ATP9B: variants seen among roughly 807,000 people sequenced by gnomAD.
ATP9B encodes the protein ATPase phospholipid transporting 9B.
Under a neutral mutation model 146.1 loss-of-function variants are expected in ATP9B, and 110 were observed. The observed-to-expected ratio is 0.75, with a 90% CI of 0.65 to 0.88. ATP9B has a LOEUF of 0.88. Ranked by LOEUF, ATP9B falls within the 40% of genes least tolerant of loss-of-function variation. The pLI, the probability that ATP9B is intolerant of heterozygous loss-of-function variation, is 0.00. For missense variants in ATP9B, 1,499 were observed against 1,496.4 expected, an observed-to-expected ratio of 1.00 and a Z score of -0.03; for synonymous variants, 604 against 569.7, an observed-to-expected ratio of 1.06 and a Z score of -0.86.
At chr18:79,156,027 G>C (rs2147657185) in intron 7 of ATP9B, among the ~76,000 whole-genome samples, 1 of 152,168 alleles carries the variant, frequency 6.6e-6, no homozygotes, top group South Asian at 2.1e-4. Context: ...CTCCCAAAGT[G>C]CTGGGATTAC....
At chr18:79,302,726 C>CTAG (rs2096599110) in intron 13 of ATP9B, among the ~76,000 whole-genome samples, 1 of 152,140 alleles carries the variant, frequency 6.6e-6, no homozygotes, top group African/African-American at 2.4e-5. Context: ...ATTTGGAAAA[C>CTAG]ACTAAAGAAA....
At chr18:79,110,063 T>C (rs147248700) in intron 2 of ATP9B, among the ~76,000 whole-genome samples, 26 of 152,300 alleles carry the variant, frequency 1.7e-4, no homozygotes, top group Non-Finnish European at 1.8e-4. Context: ...TCTCGACATA[T>C]AGAGCATTGA....
chr18:79,193,257 T>C lies in ATP9B; in HGVS notation c.948T>C (p.Phe316=). The part of the protein sequence containing the change: ...QMDIHSFEGT[F]TREDSDPPIH... ...ACATTCACAGTTTCGAAGGCACATT[T>C]ACCAGGGTAAGTTAAACCTGTTGTT... The change falls in exon 9 of 30, where the codon TTT becomes TTC. Residue 316 remains phenylalanine, a synonymous_variant. Transcript: ENST00000426216. 1 of 1,605,600 alleles carries C rather than the reference T, an allele frequency of 6.2e-7. No homozygotes were observed. Among genetic ancestry groups the C allele is most frequent in the Admixed American group, 1.7e-5 (1 of 59,982 alleles).
intron 12 of ATP9B, among the ~76,000 whole-genome samples, chr18:79,274,425 T>C (rs1478898112): frequency 6.6e-6 from 1 of 152,216 alleles, no homozygotes; most frequent in Non-Finnish European, 1.5e-5. Flanking sequence ...TAGTATTAAA[T>C]GCTCCCGATG....
At chr18:79,217,952 C>A (rs1201121330) in intron 11 of ATP9B, among the ~76,000 whole-genome samples, 1 of 152,184 alleles carries the variant, frequency 6.6e-6, no homozygotes, top group African/African-American at 2.4e-5. Context: ...GAGTAGAAGC[C>A]ATATTGGGAC....
chr18:79,220,877 T>C (rs2095670449), intron 11 of ATP9B, among the ~76,000 whole-genome samples: 1 of 152,200 alleles, frequency 6.6e-6, no homozygotes, highest in South Asian at 2.1e-4. Context: ...TCACGCCCTC[T>C]TGCTGGGCCC....
intron 9 of ATP9B, among the ~76,000 whole-genome samples, chr18:79,198,865 T>TA (rs1177349562): frequency 6.6e-6 from 1 of 152,248 alleles, no homozygotes; most frequent in Admixed American, 6.5e-5. Flanking sequence ...CACACTACTG[T>TA]AAACTTTTTA....
chr18:79,182,407 C>T lies in ATP9B; in HGVS notation c.873+5500C>T, dbSNP rs1370764154. 2.6e-5 allele frequency among the ~76,000 whole-genome samples: 4 copies of T among 152,328 alleles called. No individual in the cohort carries two copies. The East Asian group carries it at 7.7e-4, about 29-fold the overall frequency. ...ATTCTGTTTCTTCCTTGCCTCTTTT[C>T]AGTATTTTGCAAATGCTAGCTGTCA... On this transcript the variant is annotated intron_variant, in intron 8 of 29. Transcript: ENST00000426216.
chr18:79,192,434 A>T (rs1339730795), intron 8 of ATP9B, among the ~76,000 whole-genome samples: 2 of 152,174 alleles, frequency 1.3e-5, no homozygotes, highest in Non-Finnish European at 2.9e-5. Flanking sequence ...GCTGTGATTT[A>T]TGACAGCAAA....
chr18:79,345,857 T>G lies in ATP9B; in HGVS notation c.2682+18T>G. On this transcript the variant is annotated intron_variant, in intron 23 of 29. Coordinates refer to ENST00000426216, the MANE Select transcript of ATP9B (RefSeq NM_198531.5). ...AGGGAAAGGTAGGTTCGCCCTTTTA[T>G]CAACACATTAGCACACAGTCAGCAC... 1 of 1,613,922 alleles carries G rather than the reference T, an allele frequency of 6.2e-7. No homozygotes were observed.
In ATP9B at chr18:79,313,231, C is replaced by T. The variant is rs533280876; in HGVS notation, c.1773+5997C>T. 5.9e-5 allele frequency among the ~76,000 whole-genome samples: 9 copies of T among 152,290 alleles called. No individual in the cohort carries two copies. In the East Asian group the frequency reaches 1.2e-3, roughly 20 times the overall value. On this transcript the variant is annotated intron_variant, in intron 15 of 29. Coordinates refer to ENST00000426216, the MANE Select transcript of ATP9B (RefSeq NM_198531.5). The stretch of plus-strand genomic sequence containing the variant: ...GTAAAAGAGAATCTGAGCGAAGAGG[C>T]GTAGTTCCACAATCATAAGCAAATA...
intron 15 of ATP9B, among the ~76,000 whole-genome samples, chr18:79,322,418 C>T (rs1054755348): frequency 1.3e-5 from 2 of 152,150 alleles, no homozygotes; most frequent in African/African-American, 4.8e-5. Flanking sequence ...AGAACCATTC[C>T]GACATTCTCC....
At chr18:79,126,186 A>T in intron 4 of ATP9B, 81 bp from the exon 5 acceptor site, 1 of 1,218,476 alleles carries the variant, frequency 8.2e-7, no homozygotes. Flanking sequence ...ATTGAAGGAA[A>T]AAAGTTAAAC....
At chr18:79,279,288 T>C (rs1438279317) in intron 13 of ATP9B, among the ~76,000 whole-genome samples, 1 of 152,224 alleles carries the variant, frequency 6.6e-6, no homozygotes, top group Non-Finnish European at 1.5e-5. Flanking sequence ...CTGCCCCTTA[T>C]GCAGAGTTCA....
intron 11 of ATP9B, among the ~76,000 whole-genome samples, chr18:79,220,646 A>G (rs1313114263): frequency 1.3e-5 from 2 of 152,200 alleles, no homozygotes; most frequent in Admixed American, 6.5e-5. Context: ...CCACTATTGT[A>G]GATTGTATGT....
chr18:79,242,945 T>A (rs936483890), intron 11 of ATP9B, among the ~76,000 whole-genome samples: 4 of 152,266 alleles, frequency 2.6e-5, no homozygotes, highest in African/African-American at 4.8e-5. Flanking sequence ...ACCTTTATCA[T>A]TTAAAATTCT....
At position 79,337,450 on chromosome 18, in the gene ATP9B, G is replaced by A. The variant is rs767092005; in HGVS notation, c.2283+1G>A. 1.9e-6 allele frequency: 3 copies of A among 1,608,472 alleles called. No homozygotes were observed. The highest frequency in any genetic ancestry group is 1.7e-6 in the Non-Finnish European group (2 of 1,179,256). On this transcript the variant is annotated splice_donor_variant, in intron 19 of 29. Transcript: ENST00000426216. LOFTEE classifies it high-confidence loss of function. ...GATGCTGCGCAACGCCGGGATCAAGGTACTGCAGGCTCACCTCTGCTGGCG... is the reference window on the plus strand; with the variant it reads ...GATGCTGCGCAACGCCGGGATCAAGATACTGCAGGCTCACCTCTGCTGGCG...
At chr18:79,287,101 G>T (rs559925737) in intron 13 of ATP9B, among the ~76,000 whole-genome samples, 2 of 152,046 alleles carry the variant, frequency 1.3e-5, no homozygotes, top group African/African-American at 2.4e-5. Context: ...TGTCTCTGCC[G>T]GGCTTTGGTA....
At chr18:79,320,218 C>G (rs1278249436) in intron 15 of ATP9B, among the ~76,000 whole-genome samples, 1 of 152,226 alleles carries the variant, frequency 6.6e-6, no homozygotes, top group Admixed American at 6.5e-5. Flanking sequence ...CACAGTGCAC[C>G]TGGACCTGTG....
Sources: gnomAD v4.1 joint callset for allele counts (sites outside exome capture counted in the v4.1 genomes callset) on GRCh38, gnomAD v4.1.1 for gene constraint, MANE v1.5 for transcripts, NCBI Gene and HGNC (gene_info 2026-07-23, HGNC 2026-07-21) for gene names.